Variants in PRH1 observed in about 807,000 individuals in gnomAD.
PRH1 encodes the protein salivary acidic proline-rich phosphoprotein 1/2.
Under a neutral mutation model 7.9 loss-of-function variants are expected in PRH1, and 7 were observed. The observed-to-expected ratio is 0.89, with a 90% CI of 0.50 to 1.67. PRH1 has a LOEUF of 1.67. Among genes scored for constraint, PRH1 ranks in the 40% most tolerant of loss-of-function variants. PRH1 has a pLI of 0.00. For missense variants in PRH1, 109 were observed against 223.6 expected, an observed-to-expected ratio of 0.49 and a Z score of 3.27; for synonymous variants, 45 against 80.8, an observed-to-expected ratio of 0.56 and a Z score of 2.38.
At chr12:10,961,232 A>G (rs1938220828) in intron 2 of PRH1, among the ~76,000 whole-genome samples, 1 of 143,766 alleles carries the variant, frequency 7.0e-6, no homozygotes, top group South Asian at 2.1e-4. Flanking sequence ...TCTTCAGCAG[A>G]GGAGTGCCCT....
chr12:11,045,238 T>G (rs1304719421), intron 1 of PRH1, among the ~76,000 whole-genome samples: 3 of 149,012 alleles, frequency 2.0e-5, no homozygotes, highest in Non-Finnish European at 3.0e-5. Flanking sequence ...GGCATGGACA[T>G]AGAGAGTACA....
At chr12:10,938,663 G>C (rs1950335907) in intron 2 of PRH1, 1 of 1,613,890 alleles carries the variant, frequency 6.2e-7, no homozygotes, top group South Asian at 1.1e-5. Flanking sequence ...CACAGTGCTG[G>C]TTAATACAAT....
intron 1 of PRH1, among the ~76,000 whole-genome samples, chr12:11,073,471 T>C (rs1944168059): frequency 6.7e-6 from 1 of 148,732 alleles, no homozygotes; most frequent in African/African-American, 2.5e-5. Flanking sequence ...TGTTGCCCTA[T>C]AAATACTTCT....
chr12:10,908,086 A>G, intron 2 of PRH1: 1 of 295,946 alleles, frequency 3.4e-6, no homozygotes, highest in Non-Finnish European at 6.1e-6. Flanking sequence ...AAAAGATTGT[A>G]GATTTACAAT....
chr12:11,169,143 A>C (rs1314345355), intron 1 of PRH1, among the ~76,000 whole-genome samples: 2 of 152,264 alleles, frequency 1.3e-5, no homozygotes, highest in Non-Finnish European at 2.9e-5. Context: ...CAGTCAATGC[A>C]GTTAATCTGT....
intron 1 of PRH1, among the ~76,000 whole-genome samples, chr12:11,099,950 A>T (rs1399591105): frequency 6.6e-6 from 1 of 152,196 alleles, no homozygotes; most frequent in Non-Finnish European, 1.5e-5. Flanking sequence ...CTTTGGAGAG[A>T]TCTGCGCTTG....
intron 1 of PRH1, among the ~76,000 whole-genome samples, chr12:11,162,566 T>C (rs1229153346): frequency 6.6e-6 from 1 of 152,182 alleles, no homozygotes; most frequent in African/African-American, 2.4e-5. Flanking sequence ...GTGTTCTATA[T>C]GTGGGAAGAA....
At chr12:11,060,853 T>G (rs75995548) in intron 1 of PRH1, among the ~76,000 whole-genome samples, 3 of 151,020 alleles carry the variant, frequency 2.0e-5, no homozygotes, top group Admixed American at 1.3e-4. Flanking sequence ...GACACATCCT[T>G]ATTATTGATT....
rs1385936388 is a variant in PRH1, at chr12:11,114,345, G to A, written n.123+57077C>T. On this transcript the variant is annotated intron_variant and non_coding_transcript_variant, in intron 1 of 4. Transcript: ENST00000541977. ...CAGCCATAAAAAAGGATGAGTTCATGTCCTTTGCAGGGACCTGGATGAAGC... is the reference window on the plus strand; with the variant it reads ...CAGCCATAAAAAAGGATGAGTTCATATCCTTTGCAGGGACCTGGATGAAGC... Among the ~76,000 whole-genome samples the A allele has an allele frequency of 2.0e-5, 3 of 152,092 alleles. No homozygotes were observed. In the East Asian group the frequency reaches 5.8e-4, roughly 29 times the overall value.
At chr12:11,152,096 T>A (rs952678929) in intron 1 of PRH1, among the ~76,000 whole-genome samples, 1 of 152,002 alleles carries the variant, frequency 6.6e-6, no homozygotes, top group Admixed American at 6.5e-5. Flanking sequence ...TTAATTATTA[T>A]TATACTTTAA....
Position 10,907,515 on chromosome 12 carries a change from G to A in PRH1, c.-58-23240C>T, listed in dbSNP as rs369189239. Among the ~76,000 whole-genome samples, 424 of 44,698 alleles carry A rather than the reference G, an allele frequency of 9.5e-3. 8 individuals carry two copies. Among genetic ancestry groups the A allele is most frequent in the Non-Finnish European group, 3.2e-3 (41 of 12,668 alleles). The allele number at this position is 44,698 out of a possible 152,430, so 29.3% of individuals were successfully genotyped here. On this transcript the variant is annotated intron_variant, in intron 2 of 3. Transcript: ENST00000539853. Reference sequence around the variant, plus strand: ...AACAATACACACTCTATAACTGTATGTGTGTGTGTGTGTGTGTATATATGG... The same window carrying A: ...AACAATACACACTCTATAACTGTATATGTGTGTGTGTGTGTGTATATATGG...
intron 1 of PRH1, chr12:11,031,309 A>G (rs746494102): frequency 6.2e-7 from 1 of 1,613,660 alleles, no homozygotes; most frequent in South Asian, 1.1e-5. Context: ...CCACACTGGA[A>G]AAAATGATGG....
intron 1 of PRH1, among the ~76,000 whole-genome samples, chr12:10,992,743 G>A (rs1317531418): frequency 2.6e-5 from 4 of 152,166 alleles, no homozygotes; most frequent in African/African-American, 9.7e-5. Context: ...GTCAGATGCT[G>A]CATAAAGCTT....
At chr12:10,990,962 G>C (rs952478230) in intron 1 of PRH1, among the ~76,000 whole-genome samples, 3 of 152,212 alleles carry the variant, frequency 2.0e-5, no homozygotes, top group Non-Finnish European at 2.9e-5. Flanking sequence ...CAACGCTGGA[G>C]ACTAGAGGGA....
intron 2 of PRH1, among the ~76,000 whole-genome samples, chr12:10,896,406 T>C (rs1283812347): frequency 6.6e-6 from 1 of 152,184 alleles, no homozygotes; most frequent in African/African-American, 2.4e-5. Flanking sequence ...TTATAAAATA[T>C]GCAAAGTTTA....
intron 1 of PRH1, among the ~76,000 whole-genome samples, chr12:11,006,989 T>C (rs1052245059): frequency 2.0e-5 from 3 of 151,582 alleles, no homozygotes; most frequent in Non-Finnish European, 4.4e-5. Flanking sequence ...TGTTTTGCAA[T>C]GTTTTTCCTT....
chr12:11,089,495 TGCCAGC>T (rs1944809528), intron 1 of PRH1, among the ~76,000 whole-genome samples: 1 of 20,422 alleles, frequency 4.9e-5, no homozygotes, highest in African/African-American at 7.1e-5. Context: ...GTGAAGTGGC[TGCCAGC>T]AGAGCCATAC....
intron 1 of PRH1, among the ~76,000 whole-genome samples, chr12:11,026,636 T>C (rs886371843): frequency 6.6e-6 from 1 of 152,010 alleles, no homozygotes; most frequent in African/African-American, 2.4e-5. Flanking sequence ...TTACAGGGGA[T>C]GGTAGTCCTT....
intron 2 of PRH1, among the ~76,000 whole-genome samples, chr12:10,970,576 G>GTTA (rs1565509808): frequency 7.6e-5 from 11 of 145,470 alleles, no homozygotes; most frequent in Non-Finnish European, 1.1e-4. Context: ...TTTTTTTTTC[G>GTTA]TTTTTGAGAT....
Sources: allele counts gnomAD v4.1 joint callset (sites outside exome capture counted in the v4.1 genomes callset), GRCh38; gene constraint gnomAD v4.1.1; transcripts MANE v1.5; gene names NCBI Gene and HGNC (gene_info 2026-07-23, HGNC 2026-07-21).